PCDH15: variants seen among roughly 807,000 people sequenced by gnomAD.
The protein encoded by PCDH15 is protocadherin-15.
A neutral mutation model predicts 178.5 loss-of-function variants in PCDH15; 129 were observed. The ratio of observed to expected loss-of-function variants is 0.72; its 90% CI spans 0.63 to 0.84. PCDH15 has a LOEUF of 0.84. Among genes scored for constraint, PCDH15 ranks in the 40% least tolerant of loss-of-function variants. The probability of loss-of-function intolerance (pLI) is 0.00; values close to 1 mark genes in which losing one functional copy is unlikely to be tolerated. For synonymous variants in PCDH15, 800 were observed against 732.0 expected, an observed-to-expected ratio of 1.09 and a Z score of -1.50; for missense variants, 2,230 against 2,099.9, an observed-to-expected ratio of 1.06 and a Z score of -1.21.
chr10:54,132,384 C>T (rs183136837), intron 15 of PCDH15, among the ~76,000 whole-genome samples: 56 of 152,236 alleles, frequency 3.7e-4, no homozygotes, highest in African/African-American at 1.2e-3. Flanking sequence ...GGAATAAAAA[C>T]CACAGCAATT....
intron 2 of PCDH15, among the ~76,000 whole-genome samples, chr10:55,391,350 T>C (rs1837788062): frequency 6.6e-6 from 1 of 152,124 alleles, no homozygotes. Context: ...GGACTTGTTC[T>C]GTATTAGGCT....
chr10:55,162,540 C>T (rs1288067307), intron 2 of PCDH15, among the ~76,000 whole-genome samples: 1 of 152,126 alleles, frequency 6.6e-6, no homozygotes, highest in African/African-American at 2.4e-5. Context: ...TCTAAATTGC[C>T]CTTAGTCATT....
At chr10:54,123,504 T>C (rs73239954) in intron 15 of PCDH15, among the ~76,000 whole-genome samples, 54,267 of 151,800 alleles carry the variant, frequency 0.36, 10,140 homozygotes, top group Middle Eastern at 0.42. Flanking sequence ...GTGGCTATTA[T>C]TTAAAAGTAA....
intron 20 of PCDH15, among the ~76,000 whole-genome samples, chr10:54,002,119 A>AGTGT (rs373745031): frequency 6.6e-6 from 1 of 150,530 alleles, no homozygotes; most frequent in Non-Finnish European, 1.5e-5. Context: ...ATATGTATTC[A>AGTGT]GTGTGTGTGT....
In PCDH15 at chr10:54,098,190, T is replaced by TTGTGTG. The variant is rs35596789; in HGVS notation, c.1918-8133_1918-8128dup. ...TCCAAACTTGACAGAGAAAATAAAG[T>TTGTGTG]TGTGTGTGTGTGTGTGTGTGTGTGT... On this transcript the variant is annotated intron_variant, in intron 15 of 37. Coordinates refer to ENST00000644397, the MANE Select transcript of PCDH15 (RefSeq NM_001384140.1). Among the ~76,000 whole-genome samples the TTGTGTG allele has an allele frequency of 3.5e-4, 50 of 143,210 alleles. 1 individual carries two copies. The highest frequency in any genetic ancestry group is 2.5e-3 in the East Asian group (12 of 4,784). The allele number at this position is 143,210 out of a possible 152,430, so 94.0% of individuals were successfully genotyped here. A position where few individuals can be genotyped will look rare whatever the true frequency, so the allele number is the denominator to read the frequency against.
chr10:54,992,533 A>G lies in PCDH15; in HGVS notation c.-79-95033T>C, dbSNP rs555160278. 9.9e-5 allele frequency among the ~76,000 whole-genome samples: 15 copies of G among 152,176 alleles called. No homozygotes were observed. In the South Asian group the frequency reaches 2.5e-3, roughly 25 times the overall value. ...TTTGGGAGGCCGAGGCGGGCAGATCACAAGGTCAGGAGATTGAGACCAGCC... is the reference window on the plus strand; with the variant it reads ...TTTGGGAGGCCGAGGCGGGCAGATCGCAAGGTCAGGAGATTGAGACCAGCC... On this transcript the variant is annotated intron_variant, in intron 2 of 5. Coordinates refer to the PCDH15 transcript ENST00000458638.
At chr10:55,195,486 CAAAAA>C (rs34476628) in intron 1 of PCDH15, among the ~76,000 whole-genome samples, 4 of 115,228 alleles carry the variant, frequency 3.5e-5, no homozygotes, top group Non-Finnish European at 6.9e-5. Flanking sequence ...ACTAAAAATA[CAAAAA>C]AAAAAAAAAA....
intron 2 of PCDH15, among the ~76,000 whole-genome samples, chr10:54,636,153 G>T (rs2093847801): frequency 1.3e-5 from 2 of 151,774 alleles, no homozygotes; most frequent in Admixed American, 1.3e-4. Context: ...TATTTTAATT[G>T]GAACTTAAAG....
intron 2 of PCDH15, among the ~76,000 whole-genome samples, chr10:55,143,773 T>C (rs1284889747): frequency 6.6e-6 from 1 of 151,966 alleles, no homozygotes; most frequent in Non-Finnish European, 1.5e-5. Flanking sequence ...CAGAAATTTG[T>C]TTTCAACCCT....
At chr10:54,313,685 A>G (rs2061047420) in intron 8 of PCDH15, among the ~76,000 whole-genome samples, 1 of 152,094 alleles carries the variant, frequency 6.6e-6, no homozygotes, top group African/African-American at 2.4e-5. Context: ...ACATGCAACC[A>G]GTTAATATTT....
chr10:54,201,046 C>G (rs2050183955), intron 10 of PCDH15, among the ~76,000 whole-genome samples: 1 of 152,168 alleles, frequency 6.6e-6, no homozygotes, highest in Non-Finnish European at 1.5e-5. Flanking sequence ...CCTGCACGAA[C>G]CTCCTCCACT....
chr10:54,475,637 G>A (rs2078224456), intron 3 of PCDH15, among the ~76,000 whole-genome samples: 1 of 151,568 alleles, frequency 6.6e-6, no homozygotes. Context: ...ATTCAGATAA[G>A]CAAAACATAA....
chr10:54,956,366 G>A (rs947397115), intron 2 of PCDH15, among the ~76,000 whole-genome samples: 4 of 151,438 alleles, frequency 2.6e-5, no homozygotes, highest in African/African-American at 9.7e-5. Flanking sequence ...TTTTCTCCAT[G>A]AGTGGCAGAT....
intron 21 of PCDH15, among the ~76,000 whole-genome samples, chr10:53,984,821 T>C (rs2090984845): frequency 1.3e-5 from 2 of 152,204 alleles, no homozygotes; most frequent in African/African-American, 2.4e-5. Flanking sequence ...CCATTTATGG[T>C]ACATTGTATT....
At chr10:54,617,028 C>T (rs2093181252) in intron 2 of PCDH15, among the ~76,000 whole-genome samples, 1 of 151,470 alleles carries the variant, frequency 6.6e-6, no homozygotes, top group African/African-American at 2.4e-5. Context: ...TCTTTAAAAA[C>T]ATGACGTTTT....
intron 1 of PCDH15, among the ~76,000 whole-genome samples, chr10:54,695,232 A>T (rs1185637845): frequency 6.6e-6 from 1 of 152,144 alleles, no homozygotes; most frequent in Non-Finnish European, 1.5e-5. Flanking sequence ...AAAACAAAAC[A>T]GTCTGATTGT....
chr10:54,349,067 T>C (rs548669888), intron 5 of PCDH15, among the ~76,000 whole-genome samples: 119 of 152,232 alleles, frequency 7.8e-4, no homozygotes, highest in African/African-American at 2.8e-3. Flanking sequence ...TGCCAAAAAA[T>C]ACTATGTCAT....
intron 16 of PCDH15, among the ~76,000 whole-genome samples, chr10:54,080,138 C>T (rs1001482619): frequency 6.6e-6 from 1 of 151,842 alleles, no homozygotes; most frequent in African/African-American, 2.4e-5. Context: ...TTGTTTAAAA[C>T]CCCTTTTGTG....
At chr10:54,459,637 A>G (rs1334021322) in intron 3 of PCDH15, among the ~76,000 whole-genome samples, 1 of 152,156 alleles carries the variant, frequency 6.6e-6, no homozygotes, top group Non-Finnish European at 1.5e-5. Flanking sequence ...GGTGAGAGAC[A>G]GGATAGAAAT....
Sources: allele counts gnomAD v4.1 joint callset (sites outside exome capture counted in the v4.1 genomes callset), GRCh38; gene constraint gnomAD v4.1.1; transcripts MANE v1.5; gene names NCBI Gene and HGNC (gene_info 2026-07-23, HGNC 2026-07-21).